The following CTIF variants were observed in gnomAD, a reference collection of about 807,000 sequenced individuals.
CTIF encodes cap binding complex dependent translation initiation factor.
CTIF carries 21 observed loss-of-function variants against 66.0 expected under a neutral mutation model. The observed-to-expected ratio is 0.32, with a 90% CI of 0.23 to 0.46. The LOEUF (loss-of-function observed/expected upper bound fraction) is 0.46. Among genes scored for constraint, CTIF ranks in the 20% least tolerant of loss-of-function variants. The pLI is 1.00. For missense variants in CTIF, 739 were observed against 812.7 expected (o/e 0.91, Z 1.10); for synonymous variants, 345 against 326.4 (o/e 1.06, Z -0.62).
At chr18:48,753,506 T>C (rs1357912956) in intron 7 of CTIF, among the ~76,000 whole-genome samples, 1 of 151,886 alleles carries the variant, frequency 6.6e-6, no homozygotes, top group Non-Finnish European at 1.5e-5. Flanking sequence ...AGAGCAGTCT[T>C]AGAGTAAAAC....
At chr18:48,660,685 C>T (rs2091326849) in intron 3 of CTIF, among the ~76,000 whole-genome samples, 2 of 152,262 alleles carry the variant, frequency 1.3e-5, no homozygotes, top group African/African-American at 4.8e-5. Flanking sequence ...GGGGCATTGG[C>T]CCCCTCACAG....
chr18:48,750,698 C>CA (rs1469041168), intron 7 of CTIF, among the ~76,000 whole-genome samples: 1 of 152,230 alleles, frequency 6.6e-6, no homozygotes, highest in Non-Finnish European at 1.5e-5. Context: ...AGAGCCCTCC[C>CA]AGGCTCTCCC....
chr18:48,620,919 A>G (rs978976236), intron 2 of CTIF, among the ~76,000 whole-genome samples: 2 of 152,202 alleles, frequency 1.3e-5, no homozygotes, highest in Non-Finnish European at 2.9e-5. Context: ...CTGAAGCCAC[A>G]GTAATCCCAT....
intron 9 of CTIF, among the ~76,000 whole-genome samples, chr18:48,790,887 G>A (rs2067778509): frequency 6.6e-6 from 1 of 152,168 alleles, no homozygotes. Flanking sequence ...GGGGTTCCCG[G>A]ATAGCCCTTC....
intron 3 of CTIF, among the ~76,000 whole-genome samples, chr18:48,642,072 G>A (rs958843062): frequency 6.6e-6 from 1 of 152,220 alleles, no homozygotes; most frequent in African/African-American, 2.4e-5. Context: ...ACATTTTTTA[G>A]CACTTCCTTG....
At chr18:48,769,802 A>T (rs1909929982) in intron 9 of CTIF, among the ~76,000 whole-genome samples, 2 of 152,220 alleles carry the variant, frequency 1.3e-5, no homozygotes, top group Non-Finnish European at 2.9e-5. Context: ...ATTTCTTCTC[A>T]ACGCTTATTG....
At chr18:48,721,757 C>CA (rs1568164288) in intron 7 of CTIF, among the ~76,000 whole-genome samples, 6 of 147,898 alleles carry the variant, frequency 4.1e-5, no homozygotes, top group Non-Finnish European at 6.1e-5. Context: ...GCATCCCCCC[C>CA]TCTCTGTCCT....
rs750342612 is a variant in CTIF, at chr18:48,758,271, C to T, written c.937C>T (p.Pro313Ser). 9.3e-6 allele frequency: 15 copies of T among 1,613,324 alleles called. No individual in the cohort carries two copies. Among genetic ancestry groups the T allele is most frequent in the South Asian group, 2.2e-5 (2 of 91,066 alleles). Reference protein sequence around the residue: ...LAPVASERLPPQQSGGPEVET... With the variant: ...LAPVASERLPSQQSGGPEVET... Reference sequence around the variant, plus strand: ...CCCGGTGGCTTCTGAGCGGCTGCCCCCACAGCAGTCAGGGGGGCCAGAGGT... The same window carrying T: ...CCCGGTGGCTTCTGAGCGGCTGCCCTCACAGCAGTCAGGGGGGCCAGAGGT... Residue 313 changes from proline to serine, a missense_variant, in exon 8 of 12, where the codon CCA becomes TCA. Physicochemically the swap from Pro to Ser is moderately conservative, Grantham distance 74. This residue lies in a region of CTIF where 529 missense variants were observed against 520.3 expected (regional missense o/e 1.02). Coordinates refer to ENST00000256413, the MANE Select transcript of CTIF (RefSeq NM_014772.3).
chr18:48,659,054 G>A (rs2091294426), intron 3 of CTIF, among the ~76,000 whole-genome samples: 1 of 152,206 alleles, frequency 6.6e-6, no homozygotes, highest in Non-Finnish European at 1.5e-5. Flanking sequence ...AAGGCTGGAA[G>A]GAGATGGATG....
intron 1 of CTIF, among the ~76,000 whole-genome samples, chr18:48,549,054 G>A (rs1182412087): frequency 6.6e-6 from 1 of 152,146 alleles, no homozygotes; most frequent in Non-Finnish European, 1.5e-5. Flanking sequence ...CTGGGTAGGT[G>A]AGGGCTTATG....
At chr18:48,678,387 G>A (rs1178863785) in intron 6 of CTIF, among the ~76,000 whole-genome samples, 3 of 151,954 alleles carry the variant, frequency 2.0e-5, no homozygotes, top group Non-Finnish European at 4.4e-5. Flanking sequence ...TCTTACAAAC[G>A]AGAGCCCCTT....
chr18:48,853,218 G>A (rs79784042), intron 10 of CTIF, among the ~76,000 whole-genome samples: 36 of 152,192 alleles, frequency 2.4e-4, no homozygotes, highest in East Asian at 1.9e-3. Context: ...GCGGGGAGAC[G>A]GGCAATAGGC....
chr18:48,664,911 T>TTC (rs2091411808), intron 5 of CTIF, among the ~76,000 whole-genome samples: 1 of 147,174 alleles, frequency 6.8e-6, no homozygotes, highest in African/African-American at 2.5e-5. Context: ...GTTTCTTTCT[T>TTC]TTTTTTTTTT....
At chr18:48,707,038 A>G (rs775809317) in intron 6 of CTIF, among the ~76,000 whole-genome samples, 2 of 152,224 alleles carry the variant, frequency 1.3e-5, no homozygotes, top group East Asian at 1.9e-4. Flanking sequence ...ACAGAGGCAC[A>G]TCTGACTCAG....
chr18:48,797,687 C>T (rs1274628692), intron 9 of CTIF, among the ~76,000 whole-genome samples: 1 of 152,124 alleles, frequency 6.6e-6, no homozygotes, highest in East Asian at 1.9e-4. Flanking sequence ...GCAGAAAGTG[C>T]CCTTCCACGT....
At chr18:48,728,961 T>TC (rs1281656342) in intron 7 of CTIF, among the ~76,000 whole-genome samples, 1 of 152,040 alleles carries the variant, frequency 6.6e-6, no homozygotes, top group African/African-American at 2.4e-5. Flanking sequence ...CATTGCTTTT[T>TC]CCCCCCACTT....
Position 48,726,016 on chromosome 18 carries a change from T to A in CTIF, c.584+14321T>A, listed in dbSNP as rs928950719. Among the ~76,000 whole-genome samples, 5 of 152,188 alleles carry A rather than the reference T, an allele frequency of 3.3e-5. No homozygotes were observed. In the East Asian group the frequency reaches 9.6e-4, roughly 29 times the overall value. ...TAGATATGTAGCCTCAAGACATCCC[T>A]TCACCTCTTTGAGGCATGTTGCTCA... On this transcript the variant is annotated intron_variant, in intron 7 of 11. Transcript: ENST00000256413.
chr18:48,738,943 C>T (rs939707822), intron 7 of CTIF, among the ~76,000 whole-genome samples: 1 of 152,218 alleles, frequency 6.6e-6, no homozygotes, highest in Admixed American at 6.5e-5. Context: ...ACCTGCCCAG[C>T]TCCTTGGGCT....
chr18:48,670,577 C>A, intron 5 of CTIF, 92 bp from the exon 6 acceptor site: 1 of 1,171,368 alleles, frequency 8.5e-7, no homozygotes, highest in Non-Finnish European at 1.3e-6. Context: ...CACCAGGTAT[C>A]TGCTGACTGT....
Sources: allele counts gnomAD v4.1 joint callset (sites outside exome capture counted in the v4.1 genomes callset), GRCh38; gene constraint gnomAD v4.1.1; regional missense constraint gnomAD v4.1.1; transcripts MANE v1.5; gene names NCBI Gene and HGNC (gene_info 2026-07-23, HGNC 2026-07-21).